Variants in PINK1 observed in about 807,000 individuals in gnomAD.
The protein encoded by PINK1 is serine/threonine-protein kinase PINK1, mitochondrial.
A neutral mutation model predicts 56.0 loss-of-function variants in PINK1; 58 were observed. The observed-to-expected ratio is 1.04, with a 90% CI of 0.84 to 1.29. The LOEUF (loss-of-function observed/expected upper bound fraction) is 1.29, where lower values mean the gene tolerates loss of function less well. Among genes scored for constraint, PINK1 ranks in the 50% most tolerant of loss-of-function variants. The pLI is 0.00. For missense variants in PINK1, 745 were observed against 777.9 expected, an observed-to-expected ratio of 0.96 and a Z score of 0.50; for synonymous variants, 354 against 339.3, an observed-to-expected ratio of 1.04 and a Z score of -0.48.
chr1:20,647,222 AATT>A (rs1448432123), intron 5 of PINK1, among the ~76,000 whole-genome samples: 1 of 150,272 alleles, frequency 6.7e-6, no homozygotes, highest in African/African-American at 2.5e-5. Flanking sequence ...ACGCCCGGCT[AATT>A]TTTTTGTATT....
chr1:20,633,607 G>A lies in PINK1; in HGVS notation c.59G>A (p.Arg20His). 7.8e-7 allele frequency: 1 copy of A among 1,278,068 alleles called. No individual in the cohort carries two copies. The allele number at this position is 1,278,068 out of a possible 1,614,324, so 79.2% of individuals were successfully genotyped here. Residue 20 changes from arginine (R) to histidine (H), a missense_variant, in exon 1 of 8, where the codon CGC becomes CAC. By Grantham distance (29) the Arg-to-His change is conservative. Transcript: ENST00000321556. ...CAGCTGGGTCGAGCGCTGCTGCTGC[G>A]CTTCACGGGCAAGCCCGGCCGGGCC... The part of the protein sequence containing the change: ...GLQLGRALLL[R>H]FTGKPGRAYG...
Position 20,649,059 on chromosome 1 carries a change from T to TG in PINK1, c.1319dup (p.Ala441SerfsTer5). On this transcript the variant is annotated frameshift_variant, in exon 7 of 8. Coordinates refer to ENST00000321556, the MANE Select transcript of PINK1 (RefSeq NM_032409.3). LOFTEE classifies it high-confidence loss of function. ...TACAGCAAGGCTGATGCCTGGGCAG[T>TG]GGGAGCCATCGCCTATGAAATCTTC... 1 of 1,614,194 alleles carries TG rather than the reference T, an allele frequency of 6.2e-7. No homozygotes were observed. Among genetic ancestry groups the TG allele is most frequent in the South Asian group, 1.1e-5 (1 of 91,082 alleles).
chr1:20,646,440 T>G (rs551969507), intron 5 of PINK1, among the ~76,000 whole-genome samples: 1 of 151,956 alleles, frequency 6.6e-6, no homozygotes, highest in Non-Finnish European at 1.5e-5. Flanking sequence ...GGTCAAGAGA[T>G]CGAGACCATC....
rs1200679437 is a variant in PINK1 at position 20,648,976 on chromosome 1, A to T, written c.1252-19A>T. On this transcript the variant is annotated intron_variant, in intron 6 of 7. Coordinates refer to ENST00000321556, the MANE Select transcript of PINK1 (RefSeq NM_032409.3). Reference sequence around the variant, plus strand: ...AGATGGGCGGGCAGCGTGATGTCTCACCCACTGCTTCTGAGCAGGTGTCCA... The same window carrying T: ...AGATGGGCGGGCAGCGTGATGTCTCTCCCACTGCTTCTGAGCAGGTGTCCA... The T allele has an allele frequency of 6.2e-7, 1 of 1,609,968 alleles. No homozygotes were observed. Among genetic ancestry groups the T allele is most frequent in the East Asian group, 2.2e-5 (1 of 44,874 alleles).
Position 20,637,909 on chromosome 1 carries a change from G to A in PINK1, c.455G>A (p.Arg152Gln), listed in dbSNP as rs914435888. 18 of 1,614,076 alleles carry A rather than the reference G, an allele frequency of 1.1e-5. No individual in the cohort carries two copies. The highest frequency in any genetic ancestry group is 4.5e-5 in the East Asian group (2 of 44,896). ...PLDTRRLQGFRLEEYLIGQSI... is the reference protein window; with the variant it reads ...PLDTRRLQGFQLEEYLIGQSI... ...GACACGAGACGCTTGCAGGGCTTTC[G>A]GCTGGAGGAGTATCTGATAGGGCAG... The change falls in exon 2 of 8, where the codon CGG becomes CAG. Residue 152 changes from arginine to glutamine, a missense_variant. Physicochemically the swap from Arg to Gln is conservative, Grantham distance 43. Coordinates refer to ENST00000321556, the MANE Select transcript of PINK1 (RefSeq NM_032409.3).
intron 2 of PINK1, 121 bp from the exon 3 acceptor site, chr1:20,639,771 T>C: frequency 2.3e-6 from 2 of 853,790 alleles, no homozygotes; most frequent in Admixed American, 2.0e-5. Flanking sequence ...TCATCTTATC[T>C]CGAAGGTCAG....
rs1455699076 is a variant in PINK1 at position 20,651,289 on chromosome 1, G to GAAAT, written c.*600_*603dup. The GAAAT allele has an allele frequency of 6.1e-6, 1 of 162,650 alleles. No homozygotes were observed. 10.1% of individuals were successfully genotyped at this position (162,650 alleles called of 1,614,324 possible). A position where few individuals can be genotyped will look rare whatever the true frequency, so the allele number is the denominator to read the frequency against. The stretch of plus-strand genomic sequence containing the variant: ...GACTAGCCTCTCTTACAGGAATTGT[G>GAAAT]AAATATTAAATGCAAATTTACAACT... On this transcript the variant is annotated 3_prime_UTR_variant, in exon 8 of 8. Transcript: ENST00000321556.
chr1:20,649,161 C>T lies in PINK1; in HGVS notation c.1418C>T (p.Ala473Val), dbSNP rs750589610. The change falls in exon 7 of 8, where the codon GCA becomes GTA. Residue 473 changes from alanine to valine, a missense_variant. Coordinates refer to ENST00000321556, the MANE Select transcript of PINK1 (RefSeq NM_032409.3). ...SRSYQEAQLPALPESVPPDVR... is the reference protein window; with the variant it reads ...SRSYQEAQLPVLPESVPPDVR... Reference sequence around the variant, plus strand: ...AGCTACCAAGAGGCTCAGCTACCTGCACTGCCCGAGTCAGTGCCTCCAGAC... The same window carrying T: ...AGCTACCAAGAGGCTCAGCTACCTGTACTGCCCGAGTCAGTGCCTCCAGAC... The T allele has an allele frequency of 1.9e-6, 3 of 1,614,236 alleles. No homozygotes were observed. Among genetic ancestry groups the T allele is most frequent in the South Asian group, 1.1e-5 (1 of 91,086 alleles).
chr1:20,649,266 G>C lies in PINK1; in HGVS notation c.1488+35G>C, dbSNP rs761740602. 8 of 1,602,886 alleles carry C rather than the reference G, an allele frequency of 5.0e-6. No homozygotes were observed. The African/African-American group carries it at 6.7e-5, about 13-fold the overall frequency. ...TCCCCGGCTTCGAGGGGACGGTGTG[G>C]GTAGAAACCTCTGTTCTCGTTCCAG... On this transcript the variant is annotated intron_variant, in intron 7 of 7. Transcript: ENST00000321556.
chr1:20,633,937 T>TGAGCGGGGCCGGGTCCTAAGCC lies in PINK1; in HGVS notation c.387+9_387+30dup. 1.9e-6 allele frequency: 3 copies of TGAGCGGGGCCGGGTCCTAAGCC among 1,558,232 alleles called. No individual in the cohort carries two copies. Among genetic ancestry groups the TGAGCGGGGCCGGGTCCTAAGCC allele is most frequent in the Non-Finnish European group, 2.6e-6 (3 of 1,158,780 alleles). ...GTCTCGGCCTGTCAGGAGATCCAGG[T>TGAGCGGGGCCGGGTCCTAAGCC]GAGCGGGGCCGGGTCCTAAGCCGAG... On this transcript the variant is annotated splice_region_variant and intron_variant, in intron 1 of 7. Transcript: ENST00000321556.
At chr1:20,633,959 C>G (rs753621873) in intron 1 of PINK1, 24 bp downstream of exon 1, 2 of 1,505,508 alleles carry the variant, frequency 1.3e-6, no homozygotes, top group South Asian at 1.2e-5. Context: ...GGTCCTAAGC[C>G]GAGCGGAGGA....
Position 20,637,840 on chromosome 1 carries a change from A to G in PINK1, c.388-2A>G, listed in dbSNP as rs758661907. 3 of 1,613,770 alleles carry G rather than the reference A, an allele frequency of 1.9e-6. No homozygotes were observed. The highest frequency in any genetic ancestry group is 1.3e-5 in the African/African-American group (1 of 74,884). On this transcript the variant is annotated splice_acceptor_variant, in intron 1 of 7. Transcript: ENST00000321556. LOFTEE classifies it high-confidence loss of function. The stretch of plus-strand genomic sequence containing the variant: ...TCACGGTGCATTCTTTTCTCATCAC[A>G]GGCAATTTTTACCCAGAAAAGCAAG...
At position 20,649,205 on chromosome 1, in the gene PINK1, G is replaced by A; in HGVS notation, c.1462G>A (p.Ala488Thr). 3 of 1,614,118 alleles carry A rather than the reference G, an allele frequency of 1.9e-6. No homozygotes were observed. Among genetic ancestry groups the A allele is most frequent in the Non-Finnish European group, 2.5e-6 (3 of 1,180,000 alleles). ...VPPDVRQLVR[A>T]LLQREASKRP... The stretch of plus-strand genomic sequence containing the variant: ...TCCAGACGTGAGACAGTTGGTGAGG[G>A]CACTGCTCCAGCGAGAGGCCAGCAA... The change falls in exon 7 of 8, where the codon GCA becomes ACA. Residue 488 changes from alanine (A) to threonine (T), a missense_variant. By Grantham distance (58) the Ala-to-Thr change is moderately conservative (BLOSUM62 0). Transcript: ENST00000321556.
intron 2 of PINK1, chr1:20,639,440 T>G: frequency 3.9e-6 from 1 of 255,788 alleles, no homozygotes; most frequent in Non-Finnish European, 7.9e-6. Context: ...TTTGTCTGTT[T>G]GTCGTGGGGG....
At chr1:20,648,966 G>A (rs368548390) in intron 6 of PINK1, 29 bp from the exon 7 acceptor site, 24 of 1,606,188 alleles carry the variant, frequency 1.5e-5, no homozygotes, top group East Asian at 1.3e-4. Flanking sequence ...GGCGGGCAGC[G>A]TGATGTCTCA....
At chr1:20,640,742 T>C (rs1252490007) in intron 3 of PINK1, among the ~76,000 whole-genome samples, 2 of 152,150 alleles carry the variant, frequency 1.3e-5, no homozygotes, top group Non-Finnish European at 2.9e-5. Flanking sequence ...GAGGAGATAC[T>C]TGTGCCCACC....
chr1:20,649,002 C>T lies in PINK1; in HGVS notation c.1259C>T (p.Thr420Met), dbSNP rs911360656. The T allele has an allele frequency of 1.5e-5, 24 of 1,613,142 alleles. No individual in the cohort carries two copies. Among genetic ancestry groups the T allele is most frequent in the Non-Finnish European group, 1.9e-5 (22 of 1,180,014 alleles). Reference sequence around the variant, plus strand: ...CCCACTGCTTCTGAGCAGGTGTCCACGGCCCGTCCTGGCCCCAGGGCAGTG... The same window carrying T: ...CCCACTGCTTCTGAGCAGGTGTCCATGGCCCGTCCTGGCCCCAGGGCAGTG... ...NGCLMAPEVS[T>M]ARPGPRAVID... The change falls in exon 7 of 8, where the codon ACG becomes ATG. Residue 420 changes from threonine (T) to methionine (M), a missense_variant. Transcript: ENST00000321556.
Position 20,650,923 on chromosome 1 carries a change from G to T in PINK1, c.*232G>T. 1.7e-6 allele frequency: 1 copy of T among 586,918 alleles called. No individual in the cohort carries two copies. Among genetic ancestry groups the T allele is most frequent in the Non-Finnish European group, 3.0e-6 (1 of 331,448 alleles). The allele number at this position is 586,918 out of a possible 1,614,324, so 36.4% of individuals were successfully genotyped here. On this transcript the variant is annotated 3_prime_UTR_variant, in exon 8 of 8. Transcript: ENST00000321556. ...TGGCCAAGCTGGTCTAGTAGATGAG[G>T]CTGGACTGAGGAGGGGTAGGCCTGC...
chr1:20,648,258 A>T (rs749682138), intron 5 of PINK1: 49 of 547,136 alleles, frequency 9.0e-5, no homozygotes, highest in Non-Finnish European at 1.5e-4. Context: ...TTACTAGAAC[A>T]TGATTTAAAT....
Sources: gnomAD v4.1 joint callset for allele counts (sites outside exome capture counted in the v4.1 genomes callset) on GRCh38, gnomAD v4.1.1 for gene constraint, MANE v1.5 for transcripts, NCBI Gene and HGNC (gene_info 2026-07-23, HGNC 2026-07-21) for gene names.